The following APBA1 variants were observed in gnomAD, a reference collection of about 807,000 sequenced individuals.
The protein encoded by APBA1 is amyloid-beta A4 precursor protein-binding family A member 1.
A neutral mutation model predicts 86.6 loss-of-function variants in APBA1; 55 were observed. The observed-to-expected ratio is 0.64, with a 90% CI of 0.51 to 0.80. The LOEUF is 0.80. Among genes scored for constraint, APBA1 ranks in the 30% least tolerant of loss-of-function variants. APBA1 has a pLI of 0.00. For synonymous variants in APBA1, 511 were observed against 493.9 expected, an observed-to-expected ratio of 1.03 and a Z score of -0.46; for missense variants, 1,090 against 1,183.0, an observed-to-expected ratio of 0.92 and a Z score of 1.15.
At chr9:69,446,068 C>T (rs891818557) in intron 10 of APBA1, among the ~76,000 whole-genome samples, 5 of 152,154 alleles carry the variant, frequency 3.3e-5, no homozygotes, top group Non-Finnish European at 5.9e-5. Context: ...TTGAACACAG[C>T]CTTGAAGTGG....
intron 1 of APBA1, among the ~76,000 whole-genome samples, chr9:69,669,240 C>A (rs753045189): frequency 1.6e-4 from 24 of 152,302 alleles, no homozygotes; most frequent in African/African-American, 5.5e-4. Context: ...ATTACTTCTT[C>A]TTTCTAGGAT....
intron 1 of APBA1, among the ~76,000 whole-genome samples, chr9:69,602,462 T>G (rs1285946697): frequency 6.6e-6 from 1 of 151,954 alleles, no homozygotes; most frequent in East Asian, 1.9e-4. Context: ...TCCCAGCTAC[T>G]TGGGAGGCTG....
chr9:69,597,790 T>A (rs952123455), intron 1 of APBA1, among the ~76,000 whole-genome samples: 2 of 152,234 alleles, frequency 1.3e-5, no homozygotes, highest in Non-Finnish European at 2.9e-5. Context: ...CATTGCTTGT[T>A]TTTCTCAGGT....
chr9:69,537,612 G>A (rs1836533940), intron 1 of APBA1, among the ~76,000 whole-genome samples: 1 of 152,110 alleles, frequency 6.6e-6, no homozygotes, highest in Non-Finnish European at 1.5e-5. Flanking sequence ...AAGTCATGAG[G>A]CAGGGAAATG....
intron 1 of APBA1, among the ~76,000 whole-genome samples, chr9:69,577,355 A>G (rs907401330): frequency 3.9e-5 from 6 of 152,192 alleles, no homozygotes; most frequent in Admixed American, 3.9e-4. Context: ...GTGACATGAG[A>G]CTGAGGGAAA....
chr9:69,602,920 C>CA (rs1822383659), intron 1 of APBA1, among the ~76,000 whole-genome samples: 1 of 152,180 alleles, frequency 6.6e-6, no homozygotes, highest in Non-Finnish European at 1.5e-5. Flanking sequence ...CACACATGAC[C>CA]ATGAAAATAT....
chr9:69,578,308 C>A (rs1430984988), intron 1 of APBA1, among the ~76,000 whole-genome samples: 1 of 152,208 alleles, frequency 6.6e-6, no homozygotes, highest in African/African-American at 2.4e-5. Flanking sequence ...CTCTCCAAGC[C>A]ACAGCACAGC....
chr9:69,440,953 T>C (rs1564029748), intron 11 of APBA1, 43 bp downstream of exon 11: 2 of 1,594,590 alleles, frequency 1.3e-6, no homozygotes, highest in East Asian at 4.5e-5. Flanking sequence ...ACATTTTTAT[T>C]TGTCAACATT....
rs188183220 is a variant in APBA1, at chr9:69,651,642, A to G, written c.-70+20511T>C. ...AGGCACCCACCACCATGCCCAGCTA[A>G]TTTTTGTATTTTTAGTAGAGACGGG... On this transcript the variant is annotated intron_variant, in intron 1 of 12. Coordinates refer to ENST00000265381, the MANE Select transcript of APBA1 (RefSeq NM_001163.4). Among the ~76,000 whole-genome samples the G allele has an allele frequency of 1.2e-4, 18 of 152,124 alleles. No homozygotes were observed. The East Asian group carries it at 3.1e-3, about 26-fold the overall frequency.
intron 1 of APBA1, among the ~76,000 whole-genome samples, chr9:69,539,189 G>A (rs7854284): frequency 1.0e-3 from 156 of 152,266 alleles, no homozygotes; most frequent in African/African-American, 3.7e-3. Context: ...TTTATCTACC[G>A]TCTATACAAT....
intron 2 of APBA1, among the ~76,000 whole-genome samples, chr9:69,493,250 C>A (rs1215083756): frequency 2.0e-5 from 3 of 152,022 alleles, no homozygotes; most frequent in Non-Finnish European, 4.4e-5. Context: ...CAAGGGTTGG[C>A]CTTAATTCTT....
chr9:69,614,314 C>G (rs1270641444), intron 1 of APBA1, among the ~76,000 whole-genome samples: 1 of 152,094 alleles, frequency 6.6e-6, no homozygotes, highest in Non-Finnish European at 1.5e-5. Flanking sequence ...AGAGTATCAA[C>G]GGATGCTTCT....
intron 1 of APBA1, among the ~76,000 whole-genome samples, chr9:69,592,815 A>G (rs1377701018): frequency 1.3e-5 from 2 of 152,200 alleles, no homozygotes; most frequent in Non-Finnish European, 2.9e-5. Flanking sequence ...TAAAACAAAC[A>G]AACAAAAAAA....
chr9:69,441,220 A>G, intron 10 of APBA1, 105 bp from the exon 11 acceptor site: 1 of 1,385,132 alleles, frequency 7.2e-7, no homozygotes, highest in Non-Finnish European at 9.7e-7. Flanking sequence ...GAGTCTTCCG[A>G]AGGACCCACT....
intron 1 of APBA1, among the ~76,000 whole-genome samples, chr9:69,525,520 T>A: frequency 6.7e-6 from 1 of 148,854 alleles, no homozygotes; most frequent in East Asian, 2.0e-4. Context: ...TAGGAATACA[T>A]CTAAGCAAAG....
intron 1 of APBA1, among the ~76,000 whole-genome samples, chr9:69,617,596 T>A (rs1299301355): frequency 6.6e-6 from 1 of 152,076 alleles, no homozygotes; most frequent in Admixed American, 6.6e-5. Context: ...ACAGATTTGC[T>A]GTAGGCTTAG....
rs188916545 is a variant in APBA1 at position 69,473,743 on chromosome 9, A to C, written c.1297-2048T>G. On this transcript the variant is annotated intron_variant, in intron 3 of 12. Coordinates refer to ENST00000265381, the MANE Select transcript of APBA1 (RefSeq NM_001163.4). ...AAAATAATTTGGCAAAATAAAGTTT[A>C]CCATCTTTAAAAAAAAAGCTGCAAC... is the stretch of plus-strand genomic sequence containing the variant. Among the ~76,000 whole-genome samples, 1,196 of 152,324 alleles carry C rather than the reference A, an allele frequency of 7.9e-3. 18 individuals are homozygous for C. Among genetic ancestry groups the C allele is most frequent in the Admixed American group, 0.028 (422 of 15,296 alleles).
At chr9:69,666,369 C>T (rs893150250) in intron 1 of APBA1, among the ~76,000 whole-genome samples, 2 of 152,144 alleles carry the variant, frequency 1.3e-5, no homozygotes, top group African/African-American at 2.4e-5. Flanking sequence ...CCTGACCATA[C>T]TATATAAACT....
intron 2 of APBA1, among the ~76,000 whole-genome samples, chr9:69,486,281 T>C (rs971383412): frequency 1.3e-5 from 2 of 151,992 alleles, no homozygotes; most frequent in African/African-American, 2.4e-5. Flanking sequence ...ACATCTCTCT[T>C]AGGGGCAAAG....
Sources: gnomAD v4.1 joint callset for allele counts (sites outside exome capture counted in the v4.1 genomes callset) on GRCh38, gnomAD v4.1.1 for gene constraint, MANE v1.5 for transcripts, NCBI Gene and HGNC (gene_info 2026-07-23, HGNC 2026-07-21) for gene names.